The following C8orf34 variants were observed in gnomAD, a reference collection of about 807,000 sequenced individuals.
C8orf34 encodes the protein uncharacterized protein C8orf34.
In C8orf34, 65 loss-of-function variants were observed where a neutral mutation model predicts 68.3. The ratio of observed to expected loss-of-function variants is 0.95; its 90% confidence interval spans 0.78 to 1.17. C8orf34 has a LOEUF of 1.17. Ranked by LOEUF, C8orf34 falls within the 50% of genes most tolerant of loss-of-function variation. The pLI, the probability that C8orf34 is intolerant of heterozygous loss-of-function variation, is 0.00. For synonymous variants in C8orf34, 244 were observed against 241.2 expected, an observed-to-expected ratio of 1.01 and a Z score of -0.11; for missense variants, 664 against 655.4, an observed-to-expected ratio of 1.01 and a Z score of -0.14.
chr8:68,364,972 G>A (rs1056533778), intron 1 of C8orf34, among the ~76,000 whole-genome samples: 1 of 150,530 alleles, frequency 6.6e-6, no homozygotes, highest in South Asian at 2.1e-4. Flanking sequence ...TTTTTTGAAA[G>A]GATCAACAAA....
At chr8:68,567,353 G>A (rs780279071) in intron 7 of C8orf34, among the ~76,000 whole-genome samples, 5 of 151,926 alleles carry the variant, frequency 3.3e-5, no homozygotes, top group Admixed American at 1.3e-4. Context: ...AGCTAGGAAG[G>A]TTGTACCTTT....
intron 9 of C8orf34, among the ~76,000 whole-genome samples, chr8:68,720,670 T>C (rs1303434613): frequency 6.6e-6 from 1 of 151,882 alleles, no homozygotes; most frequent in Non-Finnish European, 1.5e-5. Context: ...ACAGATTATT[T>C]CTAGTTGCTC....
intron 7 of C8orf34, among the ~76,000 whole-genome samples, chr8:68,555,406 A>G (rs1380586672): frequency 1.3e-5 from 2 of 152,058 alleles, no homozygotes; most frequent in Non-Finnish European, 2.9e-5. Flanking sequence ...TTGTTCTTTT[A>G]TCTTTTACCC....
At chr8:68,613,031 G>A (rs908693637) in intron 7 of C8orf34, among the ~76,000 whole-genome samples, 1 of 152,096 alleles carries the variant, frequency 6.6e-6, no homozygotes, top group Admixed American at 6.6e-5. Context: ...TATATTGGTG[G>A]TTTTGCAGTA....
intron 7 of C8orf34, among the ~76,000 whole-genome samples, chr8:68,630,765 A>C (rs551525888): frequency 9.4e-4 from 143 of 151,950 alleles, no homozygotes; most frequent in African/African-American, 3.3e-3. Context: ...GTTTTTAATA[A>C]ATATACCTAC....
At position 68,756,812 on chromosome 8, in the gene C8orf34, A is replaced by G. The variant is rs1006916850; in HGVS notation, c.1405-19587A>G. Among the ~76,000 whole-genome samples the G allele has an allele frequency of 7.2e-5, 11 of 152,262 alleles. No homozygotes were observed. The East Asian group carries it at 2.1e-3, about 29-fold the overall frequency. ...CTGATCAATATTTTCAATAATTTAG[A>G]TTGTGTTGATTGATATGATTTTAAA... On this transcript the variant is annotated intron_variant, in intron 10 of 13. Coordinates refer to ENST00000518698, the MANE Select transcript of C8orf34 (RefSeq NM_052958.4).
chr8:68,755,372 A>G (rs1822825672), intron 10 of C8orf34, among the ~76,000 whole-genome samples: 1 of 152,228 alleles, frequency 6.6e-6, no homozygotes, highest in Non-Finnish European at 1.5e-5. Flanking sequence ...AATAATAGTA[A>G]TAGAGTAATA....
chr8:68,411,543 G>A (rs184025624), intron 1 of C8orf34, among the ~76,000 whole-genome samples: 3 of 152,304 alleles, frequency 2.0e-5, no homozygotes, highest in Admixed American at 6.5e-5. Flanking sequence ...GAATTAAAGT[G>A]ATTGCTGTGT....
At chr8:68,486,536 G>C (rs1472985233) in intron 4 of C8orf34, among the ~76,000 whole-genome samples, 1 of 152,138 alleles carries the variant, frequency 6.6e-6, no homozygotes, top group African/African-American at 2.4e-5. Context: ...AAATGTACCT[G>C]TGTTTCTAGT....
chr8:68,348,712 TG>T (rs1211716909), intron 1 of C8orf34, among the ~76,000 whole-genome samples: 4 of 151,968 alleles, frequency 2.6e-5, no homozygotes, highest in Non-Finnish European at 5.9e-5. Flanking sequence ...AGTATTTTAT[TG>T]TTTTTTTTGT....
chr8:68,787,459 A>T lies in C8orf34; in HGVS notation c.1472A>T (p.Gln491Leu). 6.2e-7 allele frequency: 1 copy of T among 1,611,746 alleles called. No homozygotes were observed. The highest frequency in any genetic ancestry group is 8.5e-7 in the Non-Finnish European group (1 of 1,178,488). ...NYMEEDESLK[Q>L]LQVVHQPWIL... ...CTTTTGCAGGATGAATCCTTAAAGC[A>T]ATTGCAGGTAGTTCATCAACCATGG... Residue 491 changes from glutamine to leucine, a missense_variant, in exon 12 of 14, where the codon CAA becomes CTA. By Grantham distance (113) the Gln-to-Leu change is moderately radical. Transcript: ENST00000518698.
rs1806887853 is a variant in C8orf34 at position 68,359,380 on chromosome 8, A to C, written c.327+28041A>C. Among the ~76,000 whole-genome samples, 2 of 152,168 alleles carry C rather than the reference A, an allele frequency of 1.3e-5. 1 individual carries two copies. The highest frequency in any genetic ancestry group is 2.9e-5 in the Non-Finnish European group (2 of 68,036). On this transcript the variant is annotated intron_variant, in intron 1 of 13. Coordinates refer to ENST00000518698, the MANE Select transcript of C8orf34 (RefSeq NM_052958.4). ...ATTGTTTTAGATGATTTAGTCTTCG[A>C]GAGGCCCCTACTGACTCCTACATGG...
chr8:68,528,565 T>G (rs2129774773), intron 6 of C8orf34, among the ~76,000 whole-genome samples: 1 of 152,334 alleles, frequency 6.6e-6, no homozygotes, highest in South Asian at 2.1e-4. Flanking sequence ...TGTTTACATC[T>G]AATTGTTTCC....
intron 1 of C8orf34, among the ~76,000 whole-genome samples, chr8:68,408,998 A>T (rs1335537062): frequency 6.6e-6 from 1 of 152,146 alleles, no homozygotes; most frequent in Non-Finnish European, 1.5e-5. Flanking sequence ...CATGTTGGCC[A>T]GCCTGATCTT....
intron 1 of C8orf34, among the ~76,000 whole-genome samples, chr8:68,347,192 T>A (rs1464714514): frequency 6.6e-6 from 1 of 152,040 alleles, no homozygotes; most frequent in African/African-American, 2.4e-5. Flanking sequence ...TAGCTCCCAC[T>A]TATAGATGAG....
At chr8:68,581,483 G>A (rs1342121237) in intron 7 of C8orf34, among the ~76,000 whole-genome samples, 1 of 151,988 alleles carries the variant, frequency 6.6e-6, no homozygotes, top group Non-Finnish European at 1.5e-5. Context: ...TGAATCTGCT[G>A]TTTTCTCCAA....
At chr8:68,813,795 A>G (rs1824726937) in intron 12 of C8orf34, among the ~76,000 whole-genome samples, 1 of 152,164 alleles carries the variant, frequency 6.6e-6, no homozygotes, top group Non-Finnish European at 1.5e-5. Flanking sequence ...AGATGCTTCC[A>G]TCGGGCTCAC....
At chr8:68,513,817 G>A (rs2129633541) in intron 5 of C8orf34, among the ~76,000 whole-genome samples, 1 of 152,264 alleles carries the variant, frequency 6.6e-6, no homozygotes, top group East Asian at 1.9e-4. Context: ...CTAGCAGGGA[G>A]CAGGGAGTGG....
chr8:68,784,301 T>C (rs1823779506), intron 11 of C8orf34, among the ~76,000 whole-genome samples: 1 of 152,218 alleles, frequency 6.6e-6, no homozygotes, highest in Non-Finnish European at 1.5e-5. Context: ...TAGATTGGGT[T>C]AACGTGTTTT....
Sources: allele counts gnomAD v4.1 joint callset (sites outside exome capture counted in the v4.1 genomes callset), GRCh38; gene constraint gnomAD v4.1.1; transcripts MANE v1.5; gene names NCBI Gene and HGNC (gene_info 2026-07-23, HGNC 2026-07-21).